Variants in CFAP46 observed in about 807,000 individuals in gnomAD.
CFAP46 encodes cilia and flagella associated protein 46.
A neutral mutation model predicts 325.7 loss-of-function variants in CFAP46; 245 were observed. The observed-to-expected ratio is 0.75, with a 90% CI of 0.68 to 0.84. The LOEUF (loss-of-function observed/expected upper bound fraction) is 0.84, where lower values mean the gene tolerates loss of function less well. Among genes scored for constraint, CFAP46 ranks in the 40% least tolerant of loss-of-function variants. CFAP46 has a pLI of 0.00. For missense variants in CFAP46, 3,346 were observed against 3,543.0 expected (o/e 0.94, Z 1.41); for synonymous variants, 1,523 against 1,495.9 (o/e 1.02, Z -0.42).
rs1848711461 is a variant in CFAP46, at chr10:132,860,824, T to C, written c.5049A>G (p.Ala1683=). The C allele has an allele frequency of 3.9e-6, 6 of 1,551,138 alleles. No homozygotes were observed. The East Asian group carries it at 1.5e-4, about 38-fold the overall frequency. ...EFWYNSTLTL[A]EALLSMEHSG... Reference sequence around the variant, plus strand: ...AGTGTTCCATGGACAAGAGCGCCTCTGCCAGGGTCAGAGTGGAATTGTACC... The same window carrying C: ...AGTGTTCCATGGACAAGAGCGCCTCCGCCAGGGTCAGAGTGGAATTGTACC... The change falls in exon 36 of 58, where the codon GCA becomes GCG. Residue 1683 remains alanine, a synonymous_variant. Coordinates refer to ENST00000368586, the MANE Select transcript of CFAP46 (RefSeq NM_001200049.3).
At chr10:132,810,351 T>C (rs148594126) in intron 57 of CFAP46, 58 bp downstream of exon 57, 28,343 of 1,447,632 alleles carry the variant, frequency 0.02, 384 homozygotes, top group Middle Eastern at 0.04. Flanking sequence ...ACGTGCCCCA[T>C]GGGCAGTGGC....
chr10:132,914,758 G>A (rs1849609447), intron 17 of CFAP46, among the ~76,000 whole-genome samples: 1 of 78,116 alleles, frequency 1.3e-5, no homozygotes, highest in Non-Finnish European at 2.5e-5. Context: ...ACCCCGGCCC[G>A]AGGCTGTGTC....
chr10:132,841,347 C>G (rs1848342998), intron 44 of CFAP46, among the ~76,000 whole-genome samples: 1 of 152,240 alleles, frequency 6.6e-6, no homozygotes, highest in South Asian at 2.1e-4. Flanking sequence ...CTGATGTGAT[C>G]CTGAATTCAG....
Position 132,861,053 on chromosome 10 carries a change from C to T in CFAP46, c.4891-71G>A, listed in dbSNP as rs1591059593. On this transcript the variant is annotated intron_variant, in intron 35 of 57. Coordinates refer to ENST00000368586, the MANE Select transcript of CFAP46 (RefSeq NM_001200049.3). ...GTGCAGGCAGGGAGACAGGAGCAGGCAGAGAGAAGGAAGAGGGAGACAGAG... is the reference window on the plus strand; with the variant it reads ...GTGCAGGCAGGGAGACAGGAGCAGGTAGAGAGAAGGAAGAGGGAGACAGAG... 3.5e-6 allele frequency: 5 copies of T among 1,425,804 alleles called. No individual in the cohort carries two copies. The East Asian group carries it at 9.9e-5, about 28-fold the overall frequency. The allele number at this position is 1,425,804 out of a possible 1,614,324, so 88.3% of individuals were successfully genotyped here.
intron 25 of CFAP46, among the ~76,000 whole-genome samples, chr10:132,890,805 G>T (rs1849244139): frequency 6.6e-6 from 1 of 152,166 alleles, no homozygotes; most frequent in African/African-American, 2.4e-5. Context: ...CACTGCTGGG[G>T]TTAGTACTCA....
intron 50 of CFAP46, among the ~76,000 whole-genome samples, chr10:132,822,209 TGCTGATGTGTGCTGTGTGC>T (rs1847866369): frequency 7.3e-6 from 1 of 136,370 alleles, no homozygotes; most frequent in African/African-American, 2.9e-5. Flanking sequence ...GCTGTGTGTG[TGCTGATGTGTGCTGTGTGC>T]GGTGATGTGT....
intron 9 of CFAP46, among the ~76,000 whole-genome samples, chr10:132,927,448 C>G (rs1849829445): frequency 5.3e-5 from 8 of 151,018 alleles, no homozygotes; most frequent in Admixed American, 5.3e-4. Flanking sequence ...TCCACAAGCA[C>G]GGGAAGTACC....
At chr10:132,905,063 T>C (rs1849437944) in intron 22 of CFAP46, among the ~76,000 whole-genome samples, 1 of 152,240 alleles carries the variant, frequency 6.6e-6, no homozygotes, top group African/African-American at 2.4e-5. Context: ...CACGCTTCCC[T>C]TAGCTCGTCC....
chr10:132,912,633 C>G (rs780301021), intron 19 of CFAP46, 22 bp downstream of exon 19: 1 of 1,421,890 alleles, frequency 7.0e-7, no homozygotes, highest in South Asian at 1.2e-5. Context: ...CTCTCTCTCT[C>G]TCGGCATCAT....
In CFAP46 at chr10:132,808,618, G is replaced by T; in HGVS notation, c.7951C>A (p.Pro2651Thr). The T allele has an allele frequency of 6.2e-7, 1 of 1,611,186 alleles. No individual in the cohort carries two copies. The highest frequency in any genetic ancestry group is 8.5e-7 in the Non-Finnish European group (1 of 1,179,054). ...GCCTTGCGGGAAGTCGCTGGGGGAG[G>T]GTCCCTGGCTGAGGCTGCACCAAGG... ...PALGAASARDPPPATSRKAAA... is the reference protein window; with the variant it reads ...PALGAASARDTPPATSRKAAA... Residue 2651 changes from proline to threonine, a missense_variant, in exon 58 of 58, where the codon CCT becomes ACT. Physicochemically the swap from Pro to Thr is conservative, Grantham distance 38 (BLOSUM62 -1). Transcript: ENST00000368586. This position sits in a 1 kb window ranked among gnomAD's most constrained non-coding sequence, Gnocchi z 6.8.
At chr10:132,814,935 G>A in intron 50 of CFAP46, 21 bp from the exon 51 acceptor site, 1 of 1,613,348 alleles carries the variant, frequency 6.2e-7, no homozygotes, top group Non-Finnish European at 8.5e-7. Flanking sequence ...CAAGAAAGAG[G>A]CAGGGATGTT....
chr10:132,913,875 G>A (rs1209011959), intron 17 of CFAP46, among the ~76,000 whole-genome samples: 3 of 144,686 alleles, frequency 2.1e-5, no homozygotes, highest in Non-Finnish European at 3.0e-5. Context: ...CCTGAAGCCT[G>A]GCCTGGTGCT....
chr10:132,937,277 T>TA (rs1329723900), intron 6 of CFAP46: 1 of 538,622 alleles, frequency 1.9e-6, no homozygotes, highest in Admixed American at 3.7e-5. Context: ...CTATTAACTT[T>TA]AAAAAAATTC....
chr10:132,850,209 G>A (rs1404274029), intron 41 of CFAP46, 35 bp downstream of exon 41: 1 of 1,546,682 alleles, frequency 6.5e-7, no homozygotes. Flanking sequence ...GACTGGTGTT[G>A]GAGCCAGACT....
chr10:132,836,902 G>T lies in CFAP46; in HGVS notation c.6451C>A (p.Leu2151Ile). 6.2e-7 allele frequency: 1 copy of T among 1,613,834 alleles called. No homozygotes were observed. Among genetic ancestry groups the T allele is most frequent in the Non-Finnish European group, 8.5e-7 (1 of 1,179,940 alleles). Reference sequence around the variant, plus strand: ...TTAAAATGCTGCTCAGTGACGCAGAGATTTTGCCAAGCCTGTGTGGCGAAA... The same window carrying T: ...TTAAAATGCTGCTCAGTGACGCAGATATTTTGCCAAGCCTGTGTGGCGAAA... ...LAAVSKAWQN[L>I]CVTEQHFNLL... The change falls in exon 45 of 58, where the codon CTC becomes ATC. Residue 2151 changes from leucine (L) to isoleucine (I), a missense_variant. Physicochemically the swap from Leu to Ile is conservative, Grantham distance 5. Coordinates refer to ENST00000368586, the MANE Select transcript of CFAP46 (RefSeq NM_001200049.3).
In CFAP46 at chr10:132,909,932, C is replaced by A. The variant is rs1468196107; in HGVS notation, c.2636G>T (p.Gly879Val). ...LLQQQIGPRL[G>V]TEEQGTNEDV... ...AGGGGCGCCCACCTGCTCCTCGGTG[C>A]CCAGCCGTGGCCCAATCTGCTGCTG... Residue 879 changes from glycine to valine, a missense_variant, in exon 20 of 58, where the codon GGC becomes GTC. By Grantham distance (109) the Gly-to-Val change is moderately radical. Transcript: ENST00000368586. 1.3e-6 allele frequency: 2 copies of A among 1,490,594 alleles called. No homozygotes were observed. Among genetic ancestry groups the A allele is most frequent in the Admixed American group, 2.3e-5 (1 of 43,150 alleles). The allele number at this position is 1,490,594 out of a possible 1,614,324, so 92.3% of individuals were successfully genotyped here.
rs1374789290 is a variant in CFAP46 at position 132,939,121 on chromosome 10, CT to C, written c.372-369del. Among the ~76,000 whole-genome samples, 1 of 152,202 alleles carries C rather than the reference CT, an allele frequency of 6.6e-6. No homozygotes were observed. The highest frequency in any genetic ancestry group is 6.5e-5 in the Admixed American group (1 of 15,286). ...CCACTGGGCAAGGCCTCCTCTGACT[CT>C]CAAGGGATAGACAAGAATGGGCAAG... On this transcript the variant is annotated intron_variant, in intron 4 of 57. Transcript: ENST00000368586. This position sits in a 1 kb window ranked among gnomAD's most constrained non-coding sequence, Gnocchi z 4.6.
chr10:132,873,426 G>A (rs554352181), intron 31 of CFAP46, among the ~76,000 whole-genome samples: 10 of 151,934 alleles, frequency 6.6e-5, no homozygotes, highest in East Asian at 1.9e-4. Context: ...CCAGCGACAC[G>A]AGCCTGGCTG....
rs1591042451 is a variant in CFAP46 at position 132,834,446 on chromosome 10, T to TCCCACCCCACACTTG, written c.6866+207_6866+208insCAAGTGTGGGGTGGG. On this transcript the variant is annotated intron_variant, in intron 48 of 57. Transcript: ENST00000368586. ...CTTGGGCCAGGGGCTGGAGGGACCG[T>TCCCACCCCACACTTG]GGGCAGTGGGCAGTGGGCAGTACTC... is the stretch of plus-strand genomic sequence containing the variant. 9.2e-5 allele frequency among the ~76,000 whole-genome samples: 14 copies of TCCCACCCCACACTTG among 152,196 alleles called. No homozygotes were observed. The East Asian group carries it at 2.5e-3, about 27-fold the overall frequency.
Sources: allele counts gnomAD v4.1 joint callset (sites outside exome capture counted in the v4.1 genomes callset), GRCh38; gene constraint gnomAD v4.1.1; non-coding constraint Gnocchi (gnomAD v3.1); transcripts MANE v1.5; gene names NCBI Gene and HGNC (gene_info 2026-07-23, HGNC 2026-07-21).